HNRNPA1L2: variants seen among roughly 807,000 people sequenced by gnomAD.
HNRNPA1L2 encodes heterogeneous nuclear ribonucleoprotein A1 like 2.
A neutral mutation model predicts 18.2 loss-of-function variants in HNRNPA1L2; 10 were observed. The observed-to-expected ratio is 0.55, with a 90% CI of 0.34 to 0.93. The LOEUF (loss-of-function observed/expected upper bound fraction) is 0.93. Among genes scored for constraint, HNRNPA1L2 ranks in the 40% least tolerant of loss-of-function variants. The pLI, the probability that HNRNPA1L2 is intolerant of heterozygous loss-of-function variation, is 0.02. For synonymous variants in HNRNPA1L2, 124 were observed against 138.6 expected, an observed-to-expected ratio of 0.89 and a Z score of 0.74; for missense variants, 308 against 394.4, an observed-to-expected ratio of 0.78 and a Z score of 1.85.
At chr13:52,630,906 C>G in the HNRNPA1L2 span, among the ~76,000 whole-genome samples, 2 of 152,178 alleles carry the variant, frequency 1.3e-5, no homozygotes, top group African/African-American at 4.8e-5. Flanking sequence ...CTGAATCATT[C>G]AGCTTGCATA....
At chr13:52,633,554 T>C in the HNRNPA1L2 span, among the ~76,000 whole-genome samples, 1 of 152,176 alleles carries the variant, frequency 6.6e-6, no homozygotes, top group Non-Finnish European at 1.5e-5. Context: ...ATAGAAATAA[T>C]GTTGTATATG....
chr13:52,620,435 G>A, the HNRNPA1L2 span, among the ~76,000 whole-genome samples: 1 of 152,164 alleles, frequency 6.6e-6, no homozygotes, highest in Non-Finnish European at 1.5e-5. Context: ...TATCCTTTAA[G>A]ATTGTAAGGA....
chr13:52,643,170 T>G lies in HNRNPA1L2; in HGVS notation c.678T>G (p.Gly226=). ...GTGGAGGAAACTTCAGTGGTCGTGG[T>G]GGCTTTGGTGGCAGCTGTGGTGGTG... is the stretch of plus-strand genomic sequence containing the variant. ...FGRGGNFSGR[G]GFGGSCGGGG... Residue 226 remains glycine, a synonymous_variant, in exon 1 of 1, where the codon GGT becomes GGG. Transcript: ENST00000357495. 1 of 1,598,002 alleles carries G rather than the reference T, an allele frequency of 6.3e-7. No homozygotes were observed. The highest frequency in any genetic ancestry group is 8.5e-7 in the Non-Finnish European group (1 of 1,179,814).
At chr13:52,619,919 C>CAA in the HNRNPA1L2 span, among the ~76,000 whole-genome samples, 3,497 of 68,928 alleles carry the variant, frequency 0.051, 144 homozygotes, top group African/African-American at 0.062. Flanking sequence ...GATTCCGTCT[C>CAA]AAAAAAAAAA....
At chr13:52,630,815 T>TAGAA in the HNRNPA1L2 span, among the ~76,000 whole-genome samples, 2 of 152,216 alleles carry the variant, frequency 1.3e-5, no homozygotes, top group Admixed American at 1.3e-4. Flanking sequence ...CTGTTACATA[T>TAGAA]TATTGAATAA....
upstream of HNRNPA1L2, chr13:52,641,178 T>A (rs1432056238): frequency 6.6e-6 from 1 of 152,212 alleles, no homozygotes; most frequent in Non-Finnish European, 1.5e-5. Context: ...ACCAAATCAT[T>A]GACTCAAGAT....
At chr13:52,620,799 C>G in the HNRNPA1L2 span, among the ~76,000 whole-genome samples, 1 of 151,906 alleles carries the variant, frequency 6.6e-6, no homozygotes, top group Non-Finnish European at 1.5e-5. Context: ...ATCGCCGGAG[C>G]CTGGGGAAGT....
At chr13:52,634,616 A>G in the HNRNPA1L2 span, among the ~76,000 whole-genome samples, 1 of 152,206 alleles carries the variant, frequency 6.6e-6, no homozygotes, top group Admixed American at 6.5e-5. Context: ...TGGAAATATA[A>G]TTGGCATTCA....
Position 52,642,550 on chromosome 13 carries a change from G to C in HNRNPA1L2, c.58G>C (p.Gly20Arg). The change falls in exon 1 of 1, where the codon GGG becomes CGG. Residue 20 changes from glycine (G) to arginine (R), a missense_variant. By Grantham distance (125) the Gly-to-Arg change is moderately radical (BLOSUM62 -2). Transcript: ENST00000357495. The stretch of plus-strand genomic sequence containing the variant: ...ACAGCTGAGGAAGCTCTTCATTGGA[G>C]GGTTGAGCTTTGAAACAACTGATGA... The part of the protein sequence containing the change: ...PEQLRKLFIG[G>R]LSFETTDESL... 6.2e-7 allele frequency: 1 copy of C among 1,611,904 alleles called. No homozygotes were observed. The highest frequency in any genetic ancestry group is 8.5e-7 in the Non-Finnish European group (1 of 1,179,844).
At chr13:52,628,180 T>C in the HNRNPA1L2 span, among the ~76,000 whole-genome samples, 514 of 152,312 alleles carry the variant, frequency 3.4e-3, 2 homozygotes, top group African/African-American at 0.011. Context: ...TGGTGGCTCA[T>C]GCCCGTAATC....
Position 52,643,401 on chromosome 13 carries a change from T to G in HNRNPA1L2, c.909T>G (p.Gly303=). The change falls in exon 1 of 1, where the codon GGT becomes GGG. Residue 303 remains glycine (G), a synonymous_variant. Coordinates refer to ENST00000357495, the MANE Select transcript of HNRNPA1L2 (RefSeq NM_001389320.1). ...ACTTTGCAAAACCACAAAACCAAGG[T>G]GGCTATGGCGTTTCCAGCAGCAGCA... ...GQYFAKPQNQ[G]GYGVSSSSSS... 6.3e-7 allele frequency: 1 copy of G among 1,598,632 alleles called. No homozygotes were observed. Among genetic ancestry groups the G allele is most frequent in the Non-Finnish European group, 8.5e-7 (1 of 1,179,774 alleles).
At chr13:52,620,188 A>C in the HNRNPA1L2 span, among the ~76,000 whole-genome samples, 16 of 152,174 alleles carry the variant, frequency 1.1e-4, no homozygotes, top group African/African-American at 3.6e-4. Flanking sequence ...AGAACTTGAT[A>C]TAGTATTTAA....
the HNRNPA1L2 span, among the ~76,000 whole-genome samples, chr13:52,618,631 A>T: frequency 1.3e-5 from 2 of 152,246 alleles, no homozygotes; most frequent in Admixed American, 6.5e-5. Flanking sequence ...AAGAATGCAG[A>T]TCCGGGGTTG....
At chr13:52,636,272 C>A in the HNRNPA1L2 span, among the ~76,000 whole-genome samples, 1 of 152,182 alleles carries the variant, frequency 6.6e-6, no homozygotes, top group Admixed American at 6.5e-5. Context: ...CATGTATTAT[C>A]TCTTGGGTAA....
chr13:52,618,809 G>A, the HNRNPA1L2 span, among the ~76,000 whole-genome samples: 1 of 152,174 alleles, frequency 6.6e-6, no homozygotes, highest in Non-Finnish European at 1.5e-5. Flanking sequence ...GATACTGTCA[G>A]TGGAAACAAA....
the HNRNPA1L2 span, among the ~76,000 whole-genome samples, chr13:52,626,426 TAA>T: frequency 8.7e-4 from 114 of 130,740 alleles, no homozygotes; most frequent in African/African-American, 1.5e-3. Flanking sequence ...TCCCATCTCT[TAA>T]AAAAAAAAAA....
At chr13:52,619,239 C>T in the HNRNPA1L2 span, among the ~76,000 whole-genome samples, 4 of 152,014 alleles carry the variant, frequency 2.6e-5, no homozygotes, top group South Asian at 2.1e-4. Context: ...GTGATCGGCC[C>T]GCATTGGCCT....
At chr13:52,631,995 C>T in the HNRNPA1L2 span, among the ~76,000 whole-genome samples, 1 of 151,564 alleles carries the variant, frequency 6.6e-6, no homozygotes, top group African/African-American at 2.4e-5. Flanking sequence ...AGTGTTGACT[C>T]TTTTTAACAG....
chr13:52,631,949 A>G, the HNRNPA1L2 span, among the ~76,000 whole-genome samples: 1 of 152,208 alleles, frequency 6.6e-6, no homozygotes, highest in Non-Finnish European at 1.5e-5. Flanking sequence ...TATAATTTGT[A>G]ATTAAACATT....
Sources: gnomAD v4.1 joint callset for allele counts (sites outside exome capture counted in the v4.1 genomes callset) on GRCh38, gnomAD v4.1.1 for gene constraint, MANE v1.5 for transcripts, NCBI Gene and HGNC (gene_info 2026-07-23, HGNC 2026-07-21) for gene names.